Variants in TRMT11 observed in about 807,000 individuals in gnomAD.
TRMT11 encodes the protein tRNA methyltransferase 11.
Under a neutral mutation model 62.8 loss-of-function variants are expected in TRMT11, and 53 were observed. The observed-to-expected ratio is 0.84, with a 90% CI of 0.68 to 1.06. The LOEUF (loss-of-function observed/expected upper bound fraction) is 1.06. Ranked by LOEUF, TRMT11 falls within the 50% of genes least tolerant of loss-of-function variation. TRMT11 has a pLI of 0.00. For synonymous variants in TRMT11, 188 were observed against 190.3 expected (o/e 0.99, Z 0.10); for missense variants, 556 against 553.4 (o/e 1.00, Z -0.05).
the TRMT11 span, among the ~76,000 whole-genome samples, chr6:126,249,866 G>C: frequency 6.6e-6 from 1 of 152,084 alleles, no homozygotes; most frequent in African/African-American, 2.4e-5. Flanking sequence ...GAAATTAGGA[G>C]TATGATTGAG....
At chr6:126,038,585 A>C in intron 12 of TRMT11, 120 bp from the exon 13 acceptor site, 1 of 727,770 alleles carries the variant, frequency 1.4e-6, no homozygotes, top group Non-Finnish European at 2.2e-6. Context: ...GTAGTGAAGG[A>C]AGATAAATAT....
At chr6:126,068,058 A>G (rs1406092040) in intron 17 of TRMT11, among the ~76,000 whole-genome samples, 5 of 152,130 alleles carry the variant, frequency 3.3e-5, no homozygotes, top group Admixed American at 1.3e-4. Context: ...CTGACTCCTA[A>G]TGATGAGAAC....
At chr6:126,044,370 T>C (rs1161755493) in intron 16 of TRMT11, among the ~76,000 whole-genome samples, 3 of 152,334 alleles carry the variant, frequency 2.0e-5, no homozygotes, top group South Asian at 2.1e-4. Context: ...GCTGTAGATA[T>C]GCGGCATTAT....
intron 21 of TRMT11, among the ~76,000 whole-genome samples, chr6:126,142,846 A>G (rs1216396318): frequency 2.6e-5 from 4 of 152,016 alleles, no homozygotes; most frequent in African/African-American, 9.7e-5. Flanking sequence ...GTTCCCATAA[A>G]TGTTCTGAGT....
chr6:126,257,207 A>C, the TRMT11 span, among the ~76,000 whole-genome samples: 1 of 151,708 alleles, frequency 6.6e-6, no homozygotes, highest in Non-Finnish European at 1.5e-5. Context: ...TTAAGCGAGT[A>C]GTTTTCTCAG....
At chr6:126,203,178 C>T (rs999298177), downstream of TRMT11, among the ~76,000 whole-genome samples, 71 of 152,162 alleles carry the variant, frequency 4.7e-4, 3 homozygotes, top group Non-Finnish European at 1.5e-4. Flanking sequence ...CAGAAGGCCC[C>T]ATGTTTTGTT....
At chr6:125,992,246 C>CT (rs1790746421) in intron 1 of TRMT11, among the ~76,000 whole-genome samples, 1 of 152,122 alleles carries the variant, frequency 6.6e-6, no homozygotes, top group Admixed American at 6.5e-5. Context: ...TAATCTTTCA[C>CT]TTTTTTTCCC....
chr6:125,993,776 T>G lies in TRMT11; in HGVS notation c.92T>G (p.Leu31Trp). Residue 31 changes from leucine to tryptophan, a missense_variant, in exon 2 of 13, where the codon TTG (leucine) becomes TGG (tryptophan). Physicochemically the swap from Leu to Trp is moderately conservative, Grantham distance 61 (BLOSUM62 -2). Transcript: ENST00000334379. Reference protein sequence around the residue: ...FRLPEIKSLLLLFGGQFASSQ... With the variant: ...FRLPEIKSLLWLFGGQFASSQ... ...ATACAGGAAATAAAGTCTTTGCTTT[T>G]GCTTTTTGGAGGTCAGTTTGCCAGC... 1.9e-6 allele frequency: 3 copies of G among 1,610,316 alleles called. No individual in the cohort carries two copies. The highest frequency in any genetic ancestry group is 2.5e-6 in the Non-Finnish European group (3 of 1,177,044).
intron 19 of TRMT11, among the ~76,000 whole-genome samples, chr6:126,115,124 C>T (rs1002858104): frequency 3.3e-5 from 5 of 152,052 alleles, no homozygotes; most frequent in African/African-American, 1.2e-4. Context: ...TAAATACCCA[C>T]CTTCCAGCCA....
chr6:126,254,020 G>A, the TRMT11 span, among the ~76,000 whole-genome samples: 2 of 152,162 alleles, frequency 1.3e-5, no homozygotes, highest in African/African-American at 4.8e-5. Context: ...TAACACTAGA[G>A]TTGATTATGG....
chr6:126,071,337 G>A (rs1015928399), intron 17 of TRMT11, among the ~76,000 whole-genome samples: 2 of 151,898 alleles, frequency 1.3e-5, no homozygotes, highest in Admixed American at 1.3e-4. Flanking sequence ...TGGCATTCAT[G>A]TCCTGGCTTG....
In TRMT11 at chr6:126,065,979, A is replaced by T. The variant is rs142388069; in HGVS notation, c.*1437+12789A>T. On this transcript the variant is annotated intron_variant and NMD_transcript_variant, in intron 17 of 22. Transcript: ENST00000648977. ...GGAGCTCAAATGCTGCTAGACAAAG[A>T]TGGGAATATCCTCGGTGCCTGCATA... 7.8e-3 allele frequency among the ~76,000 whole-genome samples: 1,193 copies of T among 152,352 alleles called. 19 individuals carry two copies. Among genetic ancestry groups the T allele is most frequent in the African/African-American group, 0.027 (1,134 of 41,578 alleles).
chr6:126,207,840 A>G (rs1305667314), downstream of TRMT11, among the ~76,000 whole-genome samples: 4 of 152,220 alleles, frequency 2.6e-5, no homozygotes, highest in Non-Finnish European at 4.4e-5. Flanking sequence ...GAACATGAAC[A>G]TTCTCAAGAC....
chr6:126,001,123 T>A (rs1204396549), intron 7 of TRMT11, among the ~76,000 whole-genome samples: 2 of 152,124 alleles, frequency 1.3e-5, no homozygotes, highest in Non-Finnish European at 2.9e-5. Context: ...TTCTTCTACA[T>A]AACCACAGTA....
rs1778627491 is a variant in TRMT11 at position 126,193,488 on chromosome 6, G to GTTTTTTTTTTTTTT, written n.144-5310_144-5309insTTTTTTTTTTTTTT. ...TAGGTTATTTAAGAGGAGCGTTTCTGTATTTTTTTTTTTTTTTTTTTTTTT... is the reference window on the plus strand; with the variant it reads ...TAGGTTATTTAAGAGGAGCGTTTCTGTTTTTTTTTTTTTTTATTTTTTTTTTTTTTTTTTTTTTT... On this transcript the variant is annotated intron_variant and non_coding_transcript_variant, in intron 1 of 3. Coordinates refer to the TRMT11 transcript ENST00000444229. Among the ~76,000 whole-genome samples the GTTTTTTTTTTTTTT allele has an allele frequency of 3.1e-3, 365 of 118,062 alleles. 43 individuals are homozygous for GTTTTTTTTTTTTTT. Among genetic ancestry groups the GTTTTTTTTTTTTTT allele is most frequent in the African/African-American group, 0.013 (351 of 26,830 alleles). The allele number at this position is 118,062 out of a possible 152,430, so 77.5% of individuals were successfully genotyped here.
chr6:126,147,862 C>T (rs1003270594), intron 21 of TRMT11, among the ~76,000 whole-genome samples: 4 of 151,052 alleles, frequency 2.6e-5, no homozygotes, highest in African/African-American at 4.9e-5. Flanking sequence ...CACATGGACA[C>T]AGGGAGGGAA....
At chr6:126,135,755 G>A (rs548899087) in intron 21 of TRMT11, among the ~76,000 whole-genome samples, 7 of 151,684 alleles carry the variant, frequency 4.6e-5, no homozygotes, top group Admixed American at 2.0e-4. Context: ...CTAGCAAACA[G>A]AATTCAACAA....
At chr6:126,208,970 T>C in the TRMT11 span, among the ~76,000 whole-genome samples, 1 of 152,220 alleles carries the variant, frequency 6.6e-6, no homozygotes, top group Non-Finnish European at 1.5e-5. Flanking sequence ...TAAAATAGAA[T>C]TTACAACATA....
intron 16 of TRMT11, among the ~76,000 whole-genome samples, chr6:126,048,757 T>C (rs1450050233): frequency 6.6e-6 from 1 of 152,176 alleles, no homozygotes; most frequent in African/African-American, 2.4e-5. Context: ...TGCCTCTTGG[T>C]AAGGACGAAC....
Sources: allele counts gnomAD v4.1 joint callset (sites outside exome capture counted in the v4.1 genomes callset), GRCh38; gene constraint gnomAD v4.1.1; transcripts MANE v1.5; gene names NCBI Gene and HGNC (gene_info 2026-07-23, HGNC 2026-07-21).